The following CCDC178 variants were observed in gnomAD, a reference collection of about 807,000 sequenced individuals.
CCDC178 encodes the protein coiled-coil domain-containing protein 178.
Under a neutral mutation model 117.4 loss-of-function variants are expected in CCDC178, and 126 were observed. That is an observed-to-expected ratio of 1.07 (90% CI 0.93 to 1.24). The LOEUF (loss-of-function observed/expected upper bound fraction) is 1.24, where lower values mean the gene tolerates loss of function less well. Among genes scored for constraint, CCDC178 ranks in the 50% most tolerant of loss-of-function variants. CCDC178 has a pLI of 0.00. For missense variants in CCDC178, 1,030 were observed against 986.9 expected, an observed-to-expected ratio of 1.04 and a Z score of -0.59; for synonymous variants, 283 against 313.4, an observed-to-expected ratio of 0.90 and a Z score of 1.02.
At chr18:33,150,289 C>A (rs1204466727) in intron 20 of CCDC178, among the ~76,000 whole-genome samples, 1 of 152,020 alleles carries the variant, frequency 6.6e-6, no homozygotes. Flanking sequence ...AAATTCTAGA[C>A]AATAACACTG....
chr18:33,197,738 C>G (rs903275805), intron 20 of CCDC178, among the ~76,000 whole-genome samples: 17 of 151,994 alleles, frequency 1.1e-4, no homozygotes, highest in African/African-American at 4.1e-4. Flanking sequence ...GAATTCAACT[C>G]TAAACTTATG....
At chr18:33,252,381 G>T in intron 14 of CCDC178, among the ~76,000 whole-genome samples, 1 of 151,614 alleles carries the variant, frequency 6.6e-6, no homozygotes, top group East Asian at 1.9e-4. Flanking sequence ...GTCTAAAATG[G>T]GCTAACTAAC....
At chr18:33,277,707 A>G (rs1376381100) in intron 12 of CCDC178, among the ~76,000 whole-genome samples, 1 of 152,120 alleles carries the variant, frequency 6.6e-6, no homozygotes, top group Non-Finnish European at 1.5e-5. Flanking sequence ...CAAGTCAGCA[A>G]TGACTGGCTG....
At chr18:33,018,054 C>T (rs1302654847) in intron 21 of CCDC178, among the ~76,000 whole-genome samples, 2 of 151,920 alleles carry the variant, frequency 1.3e-5, no homozygotes, top group Admixed American at 6.6e-5. Flanking sequence ...GACTTTTGTC[C>T]TTAGAATACG....
At position 33,440,641 on chromosome 18, in the gene CCDC178, C is replaced by T. The variant is rs1443359160; in HGVS notation, c.-143+12G>A. 1.3e-5 allele frequency: 2 copies of T among 152,248 alleles called. No individual in the cohort carries two copies. Among genetic ancestry groups the T allele is most frequent in the Non-Finnish European group, 2.9e-5 (2 of 68,056 alleles). 9.4% of individuals were successfully genotyped at this position (152,248 alleles called of 1,614,324 possible). ...AAGCGCCCGCGCCGAGGCACAAGCG[C>T]CCCCGACTCACCGGCTCCGCGCGTT... On this transcript the variant is annotated intron_variant, in intron 1 of 22. Coordinates refer to ENST00000383096, the MANE Select transcript of CCDC178 (RefSeq NM_001105528.4).
intron 21 of CCDC178, among the ~76,000 whole-genome samples, chr18:33,020,410 G>A (rs756979089): frequency 1.6e-4 from 24 of 152,086 alleles, no homozygotes; most frequent in Non-Finnish European, 3.4e-4. Flanking sequence ...TATAGCCATA[G>A]TATAGAAATA....
At chr18:33,318,529 A>C (rs1403335476) in intron 11 of CCDC178, among the ~76,000 whole-genome samples, 4 of 152,230 alleles carry the variant, frequency 2.6e-5, no homozygotes, top group Non-Finnish European at 2.9e-5. Context: ...ACGATCAAGA[A>C]GTATGGAGTA....
At chr18:33,028,522 T>C (rs1035936553) in intron 21 of CCDC178, among the ~76,000 whole-genome samples, 6 of 151,780 alleles carry the variant, frequency 4.0e-5, no homozygotes, top group African/African-American at 1.4e-4. Flanking sequence ...TATATGTTTT[T>C]TAAAAAGTTA....
chr18:33,086,715 G>A (rs2057384168), intron 21 of CCDC178, among the ~76,000 whole-genome samples: 2 of 151,930 alleles, frequency 1.3e-5, no homozygotes, highest in South Asian at 4.1e-4. Context: ...ACATACGCAT[G>A]CACATTACAT....
At chr18:33,136,383 T>C (rs1034230209) in intron 20 of CCDC178, among the ~76,000 whole-genome samples, 4 of 152,156 alleles carry the variant, frequency 2.6e-5, no homozygotes, top group Non-Finnish European at 4.4e-5. Context: ...TTATTTTCCA[T>C]AATGACACTA....
rs184273655 is a variant in CCDC178 at position 33,359,897 on chromosome 18, T to C, written c.349-3551A>G. Among the ~76,000 whole-genome samples the C allele has an allele frequency of 3.3e-5, 5 of 151,476 alleles. No individual in the cohort carries two copies. In the East Asian group the frequency reaches 9.7e-4, roughly 29 times the overall value. On this transcript the variant is annotated intron_variant, in intron 6 of 22. Coordinates refer to ENST00000383096, the MANE Select transcript of CCDC178 (RefSeq NM_001105528.4). Reference sequence around the variant, plus strand: ...CCCACAAACTTCTGCTTGATAAATCTAACATTTCCATTGACCTTGTTTATT... The same window carrying C: ...CCCACAAACTTCTGCTTGATAAATCCAACATTTCCATTGACCTTGTTTATT...
At chr18:33,152,269 A>C (rs913760395) in intron 20 of CCDC178, among the ~76,000 whole-genome samples, 1 of 152,172 alleles carries the variant, frequency 6.6e-6, no homozygotes, top group African/African-American at 2.4e-5. Flanking sequence ...CTCTACACCC[A>C]GGGCATTATC....
chr18:33,364,651 G>A (rs2063174755), intron 6 of CCDC178, among the ~76,000 whole-genome samples: 1 of 151,624 alleles, frequency 6.6e-6, no homozygotes, highest in African/African-American at 2.4e-5. Flanking sequence ...TAGGTGGGTG[G>A]GGGACAAAAA....
chr18:33,430,300 A>C (rs2064191363), intron 2 of CCDC178, among the ~76,000 whole-genome samples: 1 of 152,216 alleles, frequency 6.6e-6, no homozygotes, highest in South Asian at 2.1e-4. Flanking sequence ...TGAAATGCAC[A>C]ATGAAACACT....
At chr18:33,011,732 G>A (rs1568216156) in intron 21 of CCDC178, among the ~76,000 whole-genome samples, 1 of 123,392 alleles carries the variant, frequency 8.1e-6, no homozygotes, top group Non-Finnish European at 1.6e-5. Flanking sequence ...TGGCAAACAG[G>A]CTTAACTTAA....
intron 4 of CCDC178, among the ~76,000 whole-genome samples, chr18:33,389,990 A>ATG (rs754672568): frequency 6.0e-4 from 89 of 148,758 alleles, no homozygotes; most frequent in Non-Finnish European, 1.2e-3. Context: ...ATGCATGTGT[A>ATG]TGTGTATATA....
chr18:33,393,127 T>C (rs550770301), intron 4 of CCDC178, among the ~76,000 whole-genome samples: 1 of 152,284 alleles, frequency 6.6e-6, no homozygotes, highest in East Asian at 1.9e-4. Context: ...TGGTTGTCAG[T>C]AGGCAACCAA....
At chr18:33,179,078 AAT>A (rs1555656270) in intron 20 of CCDC178, among the ~76,000 whole-genome samples, 961 of 55,616 alleles carry the variant, frequency 0.017, 35 homozygotes, top group East Asian at 0.02. Flanking sequence ...AAAAAAAAAA[AAT>A]ATATATATAT....
At chr18:33,349,786 TA>T (rs575959207) in intron 7 of CCDC178, among the ~76,000 whole-genome samples, 11 of 151,822 alleles carry the variant, frequency 7.2e-5, no homozygotes, top group Non-Finnish European at 1.5e-4. Flanking sequence ...CCAAAAATCA[TA>T]AAAAATAATA....
Sources: allele counts gnomAD v4.1 joint callset (sites outside exome capture counted in the v4.1 genomes callset), GRCh38; gene constraint gnomAD v4.1.1; transcripts MANE v1.5; gene names NCBI Gene and HGNC (gene_info 2026-07-23, HGNC 2026-07-21).